The following CCDC50 variants were observed in gnomAD, a reference collection of about 807,000 sequenced individuals.
The protein encoded by CCDC50 is coiled-coil domain containing 50, also known as coiled-coil domain-containing protein 50.
CCDC50 carries 54 observed loss-of-function variants against 70.2 expected under a neutral mutation model. The ratio of observed to expected loss-of-function variants is 0.77; its 90% CI spans 0.62 to 0.96. The LOEUF is 0.96. CCDC50 is among the 50% of genes least tolerant of loss of function. The pLI is 0.00. For synonymous variants in CCDC50, 216 were observed against 198.8 expected (o/e 1.09, Z -0.73); for missense variants, 558 against 578.7 (o/e 0.96, Z 0.37).
At chr3:191,345,597 T>C (rs1711886551) in intron 1 of CCDC50, among the ~76,000 whole-genome samples, 1 of 152,214 alleles carries the variant, frequency 6.6e-6, no homozygotes, top group South Asian at 2.1e-4. Flanking sequence ...ACTTCTGATG[T>C]GAGGACTTAT....
intron 1 of CCDC50, among the ~76,000 whole-genome samples, chr3:191,342,803 G>A (rs1430968270): frequency 3.9e-5 from 6 of 152,310 alleles, no homozygotes; most frequent in Middle Eastern, 3.4e-3. Flanking sequence ...ATCTGGATAT[G>A]CTTTGTGAAA....
chr3:191,375,080 G>T lies in CCDC50; in HGVS notation c.467G>T (p.Arg156Met). ...CACTCAGACCAACCAGGGTCAAGGA[G>T]GGCCAGGGAATTGGGTTCTGGATTC... ...YEDGDQPGSR[R>M]ARELGSGFSR... The change falls in exon 6 of 12, where the codon AGG becomes ATG. Residue 156 changes from arginine to methionine, a missense_variant. Transcript: ENST00000392455. The T allele has an allele frequency of 1.2e-6, 2 of 1,613,420 alleles. No individual in the cohort carries two copies. The highest frequency in any genetic ancestry group is 1.7e-6 in the Non-Finnish European group (2 of 1,179,670).
Position 191,393,062 on chromosome 3 carries a change from T to C in CCDC50, c.*1302T>C, listed in dbSNP as rs1001427052. ...CAGCCAAGTATTTGGTTTTAAACAT[T>C]TGTATTCCTTTGTGCAAGGGATTGT... On this transcript the variant is annotated 3_prime_UTR_variant, in exon 12 of 12. Coordinates refer to ENST00000392455, the MANE Select transcript of CCDC50 (RefSeq NM_178335.3). The C allele has an allele frequency of 2.6e-5, 4 of 152,266 alleles. No homozygotes were observed. The highest frequency in any genetic ancestry group is 7.2e-5 in the African/African-American group (3 of 41,474). 9.4% of individuals were successfully genotyped at this position (152,266 alleles called of 1,614,324 possible).
At chr3:191,369,775 T>A (rs1044927498) in intron 4 of CCDC50, 144 bp from the exon 5 acceptor site, 1 of 710,738 alleles carries the variant, frequency 1.4e-6, no homozygotes, top group African/African-American at 1.7e-5. Flanking sequence ...ATCTGGCATT[T>A]GAAGACATGA....
intron 1 of CCDC50, among the ~76,000 whole-genome samples, chr3:191,347,568 G>T (rs1158547621): frequency 1.4e-5 from 2 of 141,888 alleles, no homozygotes; most frequent in African/African-American, 5.0e-5. Flanking sequence ...TGCGATCTTG[G>T]GCATATTATT....
chr3:191,352,349 TG>T (rs1309821291), intron 1 of CCDC50, among the ~76,000 whole-genome samples: 2 of 141,318 alleles, frequency 1.4e-5, no homozygotes, highest in Non-Finnish European at 3.2e-5. Context: ...AGGAAATGGA[TG>T]GGGGGTATAT....
intron 1 of CCDC50, among the ~76,000 whole-genome samples, chr3:191,337,829 GT>G (rs879619471): frequency 6.8e-5 from 10 of 147,392 alleles, no homozygotes; most frequent in East Asian, 5.9e-4. Flanking sequence ...GTTTCCTTAC[GT>G]TTTTTTTTTA....
chr3:191,338,229 T>C (rs1711582266), intron 1 of CCDC50, among the ~76,000 whole-genome samples: 1 of 152,234 alleles, frequency 6.6e-6, no homozygotes, highest in African/African-American at 2.4e-5. Flanking sequence ...TTAAGTATTA[T>C]ATTCACTAAT....
chr3:191,337,417 C>T (rs1273232288), intron 1 of CCDC50, among the ~76,000 whole-genome samples: 2 of 150,666 alleles, frequency 1.3e-5, no homozygotes, highest in African/African-American at 2.4e-5. Context: ...TTTTTTAAGA[C>T]GGTGTCTAGC....
At chr3:191,345,854 A>G (rs944439415) in intron 1 of CCDC50, among the ~76,000 whole-genome samples, 1 of 152,208 alleles carries the variant, frequency 6.6e-6, no homozygotes, top group African/African-American at 2.4e-5. Flanking sequence ...TGAAGTGTGC[A>G]TGTGTTGTTG....
At chr3:191,382,876 A>G (rs1713369241) in intron 10 of CCDC50, 51 bp downstream of exon 10, 1 of 1,355,614 alleles carries the variant, frequency 7.4e-7, no homozygotes, top group Non-Finnish European at 1.1e-6. Flanking sequence ...TGGGGTGAAT[A>G]AGGAGATTTC....
At chr3:191,359,653 G>A (rs1156935379) in intron 3 of CCDC50, among the ~76,000 whole-genome samples, 3 of 152,078 alleles carry the variant, frequency 2.0e-5, no homozygotes, top group Non-Finnish European at 4.4e-5. Context: ...GGAAGGAGAT[G>A]ATGAGGCCTA....
At chr3:191,340,992 AT>A (rs60869726) in intron 1 of CCDC50, among the ~76,000 whole-genome samples, 328 of 145,578 alleles carry the variant, frequency 2.3e-3, no homozygotes, top group Middle Eastern at 3.5e-3. Flanking sequence ...CAGCTAATTA[AT>A]TTTTTTTTTT....
chr3:191,359,615 G>A (rs1234192329), intron 3 of CCDC50, among the ~76,000 whole-genome samples: 1 of 152,116 alleles, frequency 6.6e-6, no homozygotes, highest in African/African-American at 2.4e-5. Context: ...AGATGGTGAG[G>A]CTTGAATGAG....
intron 9 of CCDC50, among the ~76,000 whole-genome samples, chr3:191,381,454 G>T (rs908104805): frequency 2.6e-5 from 4 of 152,198 alleles, no homozygotes; most frequent in South Asian, 2.1e-4. Context: ...GAGTTTGGAC[G>T]GTTATCTTTC....
chr3:191,394,224 T>G lies in CCDC50; in HGVS notation c.*2464T>G, dbSNP rs1309107554. The stretch of plus-strand genomic sequence containing the variant: ...TTAAAAGATTACAATTTTAAAATAT[T>G]TTATGTTTATTTTATTTTTGTGTAA... On this transcript the variant is annotated 3_prime_UTR_variant, in exon 12 of 12. Transcript: ENST00000392455. 1.3e-5 allele frequency: 2 copies of G among 152,176 alleles called. No homozygotes were observed. Among genetic ancestry groups the G allele is most frequent in the Non-Finnish European group, 2.9e-5 (2 of 68,008 alleles). The allele number at this position is 152,176 out of a possible 1,614,324, so 9.4% of individuals were successfully genotyped here. A position where few individuals can be genotyped will look rare whatever the true frequency, so the allele number is the denominator to read the frequency against.
At chr3:191,373,186 C>T (rs1420406168) in intron 5 of CCDC50, among the ~76,000 whole-genome samples, 1 of 151,860 alleles carries the variant, frequency 6.6e-6, no homozygotes, top group African/African-American at 2.4e-5. Context: ...AACTTGGTCT[C>T]AAGAAACATA....
intron 2 of CCDC50, among the ~76,000 whole-genome samples, chr3:191,357,408 C>A (rs1712328518): frequency 6.6e-6 from 1 of 152,106 alleles, no homozygotes; most frequent in South Asian, 2.1e-4. Flanking sequence ...TTTTTCCTAG[C>A]CTCTTGTTGT....
At chr3:191,358,228 T>G in intron 3 of CCDC50, 104 bp downstream of exon 3, 1 of 1,381,230 alleles carries the variant, frequency 7.2e-7, no homozygotes, top group Non-Finnish European at 1.0e-6. Flanking sequence ...CTCTGATTCC[T>G]TCTACTGTTA....
Sources: allele counts gnomAD v4.1 joint callset (sites outside exome capture counted in the v4.1 genomes callset), GRCh38; gene constraint gnomAD v4.1.1; transcripts MANE v1.5; gene names NCBI Gene and HGNC (gene_info 2026-07-23, HGNC 2026-07-21).